The following ARFGAP1 variants were observed in gnomAD, a reference collection of about 807,000 sequenced individuals.
ARFGAP1 encodes ARF GTPase activating protein 1.
A neutral mutation model predicts 54.0 loss-of-function variants in ARFGAP1; 26 were observed. The ratio of observed to expected loss-of-function variants is 0.48; its 90% CI spans 0.35 to 0.67. The LOEUF (loss-of-function observed/expected upper bound fraction) is 0.67. ARFGAP1 is among the 30% of genes least tolerant of loss of function. The pLI, the probability that ARFGAP1 is intolerant of heterozygous loss-of-function variation, is 0.00. For synonymous variants in ARFGAP1, 248 were observed against 211.9 expected (o/e 1.17, Z -1.48); for missense variants, 525 against 535.8 (o/e 0.98, Z 0.20).
At chr20:63,278,066 C>T in intron 5 of ARFGAP1, 51 bp from the exon 6 acceptor site, 1 of 1,573,676 alleles carries the variant, frequency 6.4e-7, no homozygotes, top group Non-Finnish European at 8.7e-7. Context: ...CTGGGGTTAC[C>T]TCAGACTTCA....
intron 9 of ARFGAP1, chr20:63,283,758 G>C: frequency 7.0e-7 from 1 of 1,423,818 alleles, no homozygotes; most frequent in South Asian, 1.2e-5. Flanking sequence ...TTAGTGTTGC[G>C]GCACCCCATG....
chr20:63,284,330 G>T, intron 9 of ARFGAP1: 1 of 1,070,458 alleles, frequency 9.3e-7, no homozygotes, highest in Non-Finnish European at 1.1e-6. Flanking sequence ...CCCTGCCTTT[G>T]GGGGAAGAGG....
chr20:63,284,021 C>T (rs1231364196), intron 9 of ARFGAP1: 39 of 1,483,554 alleles, frequency 2.6e-5, no homozygotes, highest in East Asian at 7.1e-5. Flanking sequence ...TGGCCTCGGT[C>T]CGTGGCTCTC....
chr20:63,283,644 C>G, intron 9 of ARFGAP1: 2 of 526,754 alleles, frequency 3.8e-6, no homozygotes, highest in Non-Finnish European at 6.6e-6. Context: ...CTCCCAGGGT[C>G]CTGAGGTGCA....
chr20:63,278,649 T>C (rs1344399170), intron 6 of ARFGAP1: 1 of 548,014 alleles, frequency 1.8e-6, no homozygotes, highest in Admixed American at 3.4e-5. Flanking sequence ...TTTTGATCCT[T>C]CTTCTAGTAC....
At chr20:63,284,541 T>C in intron 9 of ARFGAP1, 1 of 1,208,394 alleles carries the variant, frequency 8.3e-7, no homozygotes, top group Non-Finnish European at 1.0e-6. Context: ...CAGCCGGCGT[T>C]GGCCTCAGGC....
At chr20:63,284,060 T>C in intron 9 of ARFGAP1, 1 of 1,421,530 alleles carries the variant, frequency 7.0e-7, no homozygotes, top group Non-Finnish European at 9.2e-7. Context: ...GCATCAGGCT[T>C]GGCTGTGTGT....
intron 10 of ARFGAP1, 143 bp from the exon 11 acceptor site, chr20:63,285,511 A>T: frequency 1.2e-6 from 1 of 844,890 alleles, no homozygotes; most frequent in Non-Finnish European, 1.9e-6. Context: ...GGGCCACTGT[A>T]GAACTTTCTG....
chr20:63,275,136 C>T (rs2067200345), intron 1 of ARFGAP1, among the ~76,000 whole-genome samples: 1 of 152,216 alleles, frequency 6.6e-6, no homozygotes, highest in African/African-American at 2.4e-5. Flanking sequence ...AGTCCCTGGG[C>T]TCCCTGTCGT....
intron 7 of ARFGAP1, among the ~76,000 whole-genome samples, chr20:63,279,964 C>T (rs559494796): frequency 6.6e-6 from 1 of 152,274 alleles, no homozygotes; most frequent in African/African-American, 2.4e-5. Flanking sequence ...TGTGGCGAAA[C>T]CCCGTCTCTA....
In ARFGAP1 at chr20:63,288,517, C is replaced by T. The variant is rs183641167; in HGVS notation, c.*644C>T. 14 of 456,056 alleles carry T rather than the reference C, an allele frequency of 3.1e-5. No homozygotes were observed. In the Middle Eastern group the frequency reaches 9.8e-4, roughly 32 times the overall value. The allele number at this position is 456,056 out of a possible 1,614,324, so 28.3% of individuals were successfully genotyped here. A position where few individuals can be genotyped will look rare whatever the true frequency, so the allele number is the denominator to read the frequency against. On this transcript the variant is annotated 3_prime_UTR_variant, in exon 13 of 13. Coordinates refer to ENST00000370283, the MANE Select transcript of ARFGAP1 (RefSeq NM_018209.4). ...CCAAGTTCACCAGGTTCACCAGACA[C>T]GGCCTCCACAATAGCCACACCCACA...
Position 63,276,383 on chromosome 20 carries a change from G to A in ARFGAP1, c.171-97G>A, listed in dbSNP as rs1237948465. 4.0e-6 allele frequency: 6 copies of A among 1,498,216 alleles called. No homozygotes were observed. The African/African-American group carries it at 4.1e-5, about 10-fold the overall frequency. The allele number at this position is 1,498,216 out of a possible 1,614,324, so 92.8% of individuals were successfully genotyped here. ...CTGGCCACTCAGCCTCCCTGCGGCT[G>A]CTGCTTGCTGTGTCTAATTCTCAGG... On this transcript the variant is annotated intron_variant, in intron 3 of 12. Transcript: ENST00000370283. The surrounding 1 kb of genome is among the most constrained non-coding windows in gnomAD (Gnocchi z 5.2).
intron 9 of ARFGAP1, 171 bp from the exon 10 acceptor site, chr20:63,284,695 C>T (rs2067478765): frequency 4.1e-6 from 6 of 1,452,166 alleles, no homozygotes; most frequent in Non-Finnish European, 4.6e-6. Context: ...GGCCTACTGC[C>T]CTTCGGGTGT....
At position 63,276,026 on chromosome 20, in the gene ARFGAP1, G is replaced by C; in HGVS notation, c.61-65G>C. The C allele has an allele frequency of 1.3e-6, 2 of 1,482,174 alleles. No individual in the cohort carries two copies. The highest frequency in any genetic ancestry group is 2.3e-5 in the South Asian group (2 of 88,344). 91.8% of individuals were successfully genotyped at this position (1,482,174 alleles called of 1,614,324 possible). A position where few individuals can be genotyped will look rare whatever the true frequency, so the allele number is the denominator to read the frequency against. Reference sequence around the variant, plus strand: ...CATTCGCTCCTTGAGGCCACCTGTCGGGTCTTTGGGGTCCCTGGGCTCTGC... The same window carrying C: ...CATTCGCTCCTTGAGGCCACCTGTCCGGTCTTTGGGGTCCCTGGGCTCTGC... On this transcript the variant is annotated intron_variant, in intron 2 of 12. Coordinates refer to ENST00000370283, the MANE Select transcript of ARFGAP1 (RefSeq NM_018209.4). This position sits in a 1 kb window ranked among gnomAD's most constrained non-coding sequence, Gnocchi z 5.2.
At position 63,288,691 on chromosome 20, in the gene ARFGAP1, G is replaced by A. The variant is rs971169729; in HGVS notation, c.*818G>A. On this transcript the variant is annotated 3_prime_UTR_variant, in exon 13 of 13. Transcript: ENST00000370283. ...GGCCGGGTTCAGGAGCTGAGCAGGG[G>A]ATGCCTGTGCGTGGTGCCTGGGTCT... 3 of 363,306 alleles carry A rather than the reference G, an allele frequency of 8.3e-6. No homozygotes were observed. Among genetic ancestry groups the A allele is most frequent in the South Asian group, 6.0e-5 (3 of 50,128 alleles). The allele number at this position is 363,306 out of a possible 1,614,324, so 22.5% of individuals were successfully genotyped here.
intron 7 of ARFGAP1, chr20:63,279,381 T>G (rs1453113963): frequency 2.8e-6 from 1 of 355,770 alleles, no homozygotes; most frequent in Non-Finnish European, 5.5e-6. Context: ...AATTTTTGTA[T>G]TTTTAGTAGA....
At position 63,284,984 on chromosome 20, in the gene ARFGAP1, CAG is replaced by C. The variant is rs971288495; in HGVS notation, c.774+63_774+64del. On this transcript the variant is annotated intron_variant, in intron 10 of 12. Transcript: ENST00000370283. ...TTCACTCCAGGGGACGTGGGTGTGT[CAG>C]GGGTGTTAGGGGGATTGTTTGTCCA... The C allele has an allele frequency of 5.0e-6, 8 of 1,585,252 alleles. No individual in the cohort carries two copies. The Middle Eastern group carries it at 5.0e-4, about 98-fold the overall frequency.
rs766589407 is a variant in ARFGAP1, at chr20:63,282,800, T to G, written c.685-19T>G. ...CCCATGTTAAGTCTGTCAAGCCTTG[T>G]CTTTGTTTTTCATTTTAGGCTACAA... On this transcript the variant is annotated intron_variant, in intron 8 of 12. Coordinates refer to ENST00000370283, the MANE Select transcript of ARFGAP1 (RefSeq NM_018209.4). The G allele has an allele frequency of 1.2e-6, 2 of 1,613,872 alleles. No homozygotes were observed. Among genetic ancestry groups the G allele is most frequent in the African/African-American group, 2.7e-5 (2 of 74,920 alleles).
In ARFGAP1 at chr20:63,277,205, G is replaced by A. The variant is rs1328262686; in HGVS notation, c.343G>A (p.Val115Met). 5.0e-6 allele frequency: 8 copies of A among 1,611,834 alleles called. No homozygotes were observed. The highest frequency in any genetic ancestry group is 1.7e-5 in the Admixed American group (1 of 59,938). ...SRAAALFRDK[V>M]VALAEGREWS... ...CGAATGCCCTGTGTCTCCTTGTCAG[G>A]TGGTCGCTCTGGCCGAAGGCAGAGA... The change falls in exon 5 of 13, where the codon GTG (valine) becomes ATG (methionine). Residue 115 changes from valine to methionine, a missense_variant and splice_region_variant. This residue lies in a region of ARFGAP1 where 466 missense variants were observed against 453.6 expected (regional missense o/e 1.03). Transcript: ENST00000370283.
Sources: allele counts gnomAD v4.1 joint callset (sites outside exome capture counted in the v4.1 genomes callset), GRCh38; gene constraint gnomAD v4.1.1; regional missense constraint gnomAD v4.1.1; non-coding constraint Gnocchi (gnomAD v3.1); transcripts MANE v1.5; gene names NCBI Gene and HGNC (gene_info 2026-07-23, HGNC 2026-07-21).